The following DPH6 variants were observed in gnomAD, a reference collection of about 807,000 sequenced individuals.
DPH6 encodes the protein diphthamine biosynthesis 6, also known as diphthine--ammonia ligase.
DPH6 carries 33 observed loss-of-function variants against 38.2 expected under a neutral mutation model. The ratio of observed to expected loss-of-function variants is 0.86; its 90% CI spans 0.65 to 1.15. The LOEUF (loss-of-function observed/expected upper bound fraction) is 1.15, where lower values mean the gene tolerates loss of function less well. DPH6 is among the 50% of genes most tolerant of loss of function. The pLI, the probability that DPH6 is intolerant of heterozygous loss-of-function variation, is 0.00. For missense variants in DPH6, 325 were observed against 320.0 expected, an observed-to-expected ratio of 1.02 and a Z score of -0.12; for synonymous variants, 108 against 103.0, an observed-to-expected ratio of 1.05 and a Z score of -0.30.
intron 3 of DPH6, among the ~76,000 whole-genome samples, chr15:35,286,615 T>C (rs187546244): frequency 8.5e-5 from 13 of 152,326 alleles, no homozygotes; most frequent in Admixed American, 5.2e-4. Context: ...AGTAAAAGAA[T>C]TGTAAAGTCT....
intron 3 of DPH6, among the ~76,000 whole-genome samples, chr15:35,337,721 C>A (rs1156358746): frequency 6.6e-6 from 1 of 152,080 alleles, no homozygotes; most frequent in Non-Finnish European, 1.5e-5. Flanking sequence ...CCTGCATCGC[C>A]AAGTCAATCC....
At chr15:35,447,324 T>C (rs1027838459) in intron 5 of DPH6, among the ~76,000 whole-genome samples, 9 of 152,148 alleles carry the variant, frequency 5.9e-5, no homozygotes, top group African/African-American at 2.2e-4. Flanking sequence ...CACGGAGAGA[T>C]ACCAAATACC....
At chr15:35,243,684 A>C in intron 3 of DPH6, among the ~76,000 whole-genome samples, 2 of 141,084 alleles carry the variant, frequency 1.4e-5, no homozygotes, top group Non-Finnish European at 3.1e-5. Flanking sequence ...GTAATTTTCC[A>C]TTACCTTCCC....
chr15:35,369,961 T>TTGAA (rs2140918176), downstream of DPH6, among the ~76,000 whole-genome samples: 1 of 151,956 alleles, frequency 6.6e-6, no homozygotes, highest in African/African-American at 2.4e-5. Context: ...ACTATCTGAC[T>TTGAA]TGAATATTTA....
chr15:35,162,096 C>A, the DPH6 span, among the ~76,000 whole-genome samples: 1 of 151,858 alleles, frequency 6.6e-6, no homozygotes, highest in Non-Finnish European at 1.5e-5. Context: ...TTATTTCTTG[C>A]CACCTCAACT....
At chr15:35,225,356 T>C (rs978428816) in intron 3 of DPH6, among the ~76,000 whole-genome samples, 18 of 152,238 alleles carry the variant, frequency 1.2e-4, no homozygotes, top group African/African-American at 4.3e-4. Context: ...TATAAAGATG[T>C]TATTCCTCTC....
chr15:35,349,430 T>C (rs983718051), intron 3 of DPH6, among the ~76,000 whole-genome samples: 1 of 152,076 alleles, frequency 6.6e-6, no homozygotes, highest in African/African-American at 2.4e-5. Flanking sequence ...ATTGTTTGTT[T>C]TTTTGTTTTG....
intron 3 of DPH6, among the ~76,000 whole-genome samples, chr15:35,365,674 T>G (rs561836170): frequency 6.6e-6 from 1 of 152,192 alleles, no homozygotes; most frequent in South Asian, 2.1e-4. Flanking sequence ...TCAAAAACAC[T>G]CTTGCATTGC....
chr15:35,188,261 G>A, the DPH6 span, among the ~76,000 whole-genome samples: 1 of 152,172 alleles, frequency 6.6e-6, no homozygotes, highest in African/African-American at 2.4e-5. Flanking sequence ...CACACTAAGA[G>A]GCAAAATGGT....
At chr15:35,540,519 CA>C (rs576122819) in intron 2 of DPH6, among the ~76,000 whole-genome samples, 1 of 152,134 alleles carries the variant, frequency 6.6e-6, no homozygotes, top group South Asian at 2.1e-4. Flanking sequence ...TGCTGATTTT[CA>C]TCAAGATGAG....
chr15:35,249,621 A>G (rs1216250316), intron 3 of DPH6, among the ~76,000 whole-genome samples: 2 of 152,184 alleles, frequency 1.3e-5, no homozygotes, highest in Non-Finnish European at 2.9e-5. Flanking sequence ...GGTGAGATTT[A>G]TAATCTGGGT....
intron 3 of DPH6, among the ~76,000 whole-genome samples, chr15:35,483,039 C>T (rs889657114): frequency 1.1e-4 from 17 of 151,706 alleles, no homozygotes; most frequent in African/African-American, 3.9e-4. Context: ...TTTCTAACAA[C>T]CGAATAAGAA....
At chr15:35,444,702 C>T (rs151173235) in intron 5 of DPH6, among the ~76,000 whole-genome samples, 216 of 152,334 alleles carry the variant, frequency 1.4e-3, no homozygotes, top group Non-Finnish European at 2.3e-3. Flanking sequence ...CCATTAAATA[C>T]TCTATGAGTC....
At chr15:35,452,692 A>G (rs985802567) in intron 4 of DPH6, among the ~76,000 whole-genome samples, 3 of 152,200 alleles carry the variant, frequency 2.0e-5, no homozygotes, top group Non-Finnish European at 4.4e-5. Context: ...ATCTAAAGCA[A>G]TGCTGAAGCA....
intron 5 of DPH6, among the ~76,000 whole-genome samples, chr15:35,427,726 A>T (rs1439483036): frequency 6.6e-6 from 1 of 151,914 alleles, no homozygotes; most frequent in Non-Finnish European, 1.5e-5. Context: ...GAATTACATG[A>T]AGCTTTAAAC....
intron 3 of DPH6, among the ~76,000 whole-genome samples, chr15:35,268,727 A>C (rs905992975): frequency 2.0e-5 from 3 of 151,256 alleles, no homozygotes. Flanking sequence ...TGGGCCAATT[A>C]ATTGAAGGTA....
intron 3 of DPH6, among the ~76,000 whole-genome samples, chr15:35,481,947 A>G (rs902911298): frequency 1.8e-4 from 27 of 152,226 alleles, no homozygotes; most frequent in African/African-American, 6.5e-4. Flanking sequence ...ATAAACAACT[A>G]TCTCAAGGAT....
chr15:35,500,362 T>C (rs2054610643), intron 3 of DPH6, among the ~76,000 whole-genome samples: 1 of 152,182 alleles, frequency 6.6e-6, no homozygotes, highest in African/African-American at 2.4e-5. Flanking sequence ...TTCAGCAGAC[T>C]AACAAGGAGC....
exon 4 of DPH6, chr15:35,218,589 C>G (rs2051423594): frequency 6.6e-6 from 1 of 152,156 alleles, no homozygotes; most frequent in Admixed American, 6.6e-5. Flanking sequence ...CAGAAATTAT[C>G]TTTTTCTAAT....
Sources: gnomAD v4.1 joint callset for allele counts (sites outside exome capture counted in the v4.1 genomes callset) on GRCh38, gnomAD v4.1.1 for gene constraint, MANE v1.5 for transcripts, NCBI Gene and HGNC (gene_info 2026-07-23, HGNC 2026-07-21) for gene names.